EHBP1: variants seen among roughly 807,000 people sequenced by gnomAD.
EHBP1 encodes the protein EH domain-binding protein 1.
A neutral mutation model predicts 144.0 loss-of-function variants in EHBP1; 55 were observed. That is an observed-to-expected ratio of 0.38 (90% CI 0.31 to 0.48). The LOEUF (loss-of-function observed/expected upper bound fraction) is 0.48, where lower values mean the gene tolerates loss of function less well. Ranked by LOEUF, EHBP1 falls within the 20% of genes least tolerant of loss-of-function variation. The pLI is 0.98. For synonymous variants in EHBP1, 469 were observed against 472.7 expected, an observed-to-expected ratio of 0.99 and a Z score of 0.10; for missense variants, 1,200 against 1,364.2, an observed-to-expected ratio of 0.88 and a Z score of 1.90.
intron 2 of EHBP1, among the ~76,000 whole-genome samples, chr2:62,712,404 AG>A (rs1284165964): frequency 1.1e-4 from 17 of 152,222 alleles, no homozygotes; most frequent in African/African-American, 4.1e-4. Flanking sequence ...TGAATTGACT[AG>A]GGAAATGTAG....
intron 7 of EHBP1, among the ~76,000 whole-genome samples, chr2:62,837,777 A>C (rs1317253908): frequency 2.0e-5 from 3 of 152,174 alleles, no homozygotes; most frequent in Non-Finnish European, 2.9e-5. Flanking sequence ...ATCAATTCAA[A>C]AAGAAGAGCT....
intron 19 of EHBP1, among the ~76,000 whole-genome samples, chr2:62,999,048 C>T (rs1190524216): frequency 6.6e-6 from 1 of 152,064 alleles, no homozygotes; most frequent in East Asian, 1.9e-4. Context: ...TTAGACATTT[C>T]AGTGTACTTT....
rs578060126 is a variant in EHBP1 at position 62,777,081 on chromosome 2, C to T, written c.312+5689C>T. Among the ~76,000 whole-genome samples the T allele has an allele frequency of 9.2e-5, 14 of 152,232 alleles. No homozygotes were observed. The South Asian group carries it at 1.0e-3, about 11-fold the overall frequency. Reference sequence around the variant, plus strand: ...CCTTGAACTCCTGGGCTCAAGCGATCGTCCTGCCTCAGCCTCCCCAGTAGC... The same window carrying T: ...CCTTGAACTCCTGGGCTCAAGCGATTGTCCTGCCTCAGCCTCCCCAGTAGC... On this transcript the variant is annotated intron_variant, in intron 5 of 22. Coordinates refer to ENST00000431489, the MANE Select transcript of EHBP1 (RefSeq NM_001142616.3).
intron 5 of EHBP1, among the ~76,000 whole-genome samples, chr2:62,818,088 T>TA (rs2045579692): frequency 6.6e-6 from 1 of 151,682 alleles, no homozygotes; most frequent in South Asian, 2.1e-4. Flanking sequence ...GGTGTACCAT[T>TA]AAAAAAACTT....
At chr2:62,969,296 T>TTTA (rs1305888095) in intron 14 of EHBP1, among the ~76,000 whole-genome samples, 9 of 152,138 alleles carry the variant, frequency 5.9e-5, no homozygotes, top group Non-Finnish European at 1.0e-4. Context: ...CCCAGAATGC[T>TTTA]TAAAGGAAAG....
At chr2:62,919,509 A>G (rs1370897927) in intron 10 of EHBP1, among the ~76,000 whole-genome samples, 1 of 152,174 alleles carries the variant, frequency 6.6e-6, no homozygotes, top group African/African-American at 2.4e-5. Flanking sequence ...TTAAGCACAA[A>G]CAAATAACAG....
At position 62,948,542 on chromosome 2, in the gene EHBP1, A is replaced by G. The variant is rs370849961; in HGVS notation, c.1696A>G (p.Ile566Val). 15 of 1,614,136 alleles carry G rather than the reference A, an allele frequency of 9.3e-6. No homozygotes were observed. In the South Asian group the frequency reaches 1.1e-4, roughly 12 times the overall value. Residue 566 changes from isoleucine to valine, a missense_variant, in exon 13 of 23, where the codon ATC becomes GTC. Ile to Val is a conservative substitution (Grantham distance 29). Transcript: ENST00000431489. ...LKREPELQQPISGAVDFLSQD... is the reference protein window; with the variant it reads ...LKREPELQQPVSGAVDFLSQD... The stretch of plus-strand genomic sequence containing the variant: ...GCGGGAGCCTGAACTACAACAGCCT[A>G]TCAGCGGAGCAGTAGACTTCTTATC...
rs1377834108 is a variant in EHBP1, at chr2:62,990,789, C to T, written c.2682C>T (p.Pro894=). ...LEVQPQVANS[P]SSAAQKAVTE... ...TTCAGCCACAGGTGGCAAATTCACC[C>T]TCCAGTGCTGCCCAGAAAGCTGTAA... is the stretch of plus-strand genomic sequence containing the variant. The change falls in exon 16 of 23, where the codon CCC becomes CCT. Residue 894 remains proline (P), a synonymous_variant. Transcript: ENST00000431489. 1.9e-6 allele frequency: 3 copies of T among 1,613,874 alleles called. No homozygotes were observed. In the Admixed American group the frequency reaches 5.0e-5, roughly 27 times the overall value.
intron 6 of EHBP1, 144 bp downstream of exon 6, chr2:62,826,412 A>T (rs2046349454): frequency 6.0e-6 from 4 of 662,144 alleles, no homozygotes; most frequent in Non-Finnish European, 9.5e-6. Context: ...GAATTAAGGG[A>T]ACTCCTTGTT....
At chr2:62,800,768 A>C (rs2043921780) in intron 5 of EHBP1, among the ~76,000 whole-genome samples, 1 of 152,234 alleles carries the variant, frequency 6.6e-6, no homozygotes, top group South Asian at 2.1e-4. Context: ...GTATGAAGAC[A>C]CAAAACAATG....
At chr2:62,871,473 C>G (rs915075439) in intron 9 of EHBP1, among the ~76,000 whole-genome samples, 1 of 152,170 alleles carries the variant, frequency 6.6e-6, no homozygotes, top group Non-Finnish European at 1.5e-5. Context: ...CACACAAGTT[C>G]TAAAGATTGC....
chr2:62,775,866 C>G (rs1376862653), intron 5 of EHBP1, among the ~76,000 whole-genome samples: 1 of 152,154 alleles, frequency 6.6e-6, no homozygotes, highest in East Asian at 1.9e-4. Context: ...TTGTCTTTCT[C>G]CAGGGCCTTT....
At chr2:63,012,173 T>A (rs1262885894) in intron 19 of EHBP1, among the ~76,000 whole-genome samples, 1 of 151,976 alleles carries the variant, frequency 6.6e-6, no homozygotes, top group East Asian at 1.9e-4. Context: ...TAATATAATA[T>A]GAACAGTTAA....
intron 5 of EHBP1, among the ~76,000 whole-genome samples, chr2:62,791,200 T>A (rs1359496822): frequency 1.3e-5 from 2 of 152,074 alleles, no homozygotes; most frequent in Admixed American, 1.3e-4. Context: ...AAGTAGTACA[T>A]GTATGTGATA....
chr2:63,010,326 C>G (rs564433084), intron 19 of EHBP1, among the ~76,000 whole-genome samples: 1 of 151,328 alleles, frequency 6.6e-6, no homozygotes, highest in Non-Finnish European at 1.5e-5. Context: ...AGCCTCATTC[C>G]CTTCTCTTAA....
intron 9 of EHBP1, among the ~76,000 whole-genome samples, chr2:62,867,338 A>G (rs1391987919): frequency 6.6e-6 from 1 of 152,170 alleles, no homozygotes; most frequent in East Asian, 1.9e-4. Flanking sequence ...GAAAAGCATA[A>G]GGAATCTTTA....
intron 4 of EHBP1, among the ~76,000 whole-genome samples, chr2:62,769,107 G>A (rs1336774255): frequency 1.3e-5 from 2 of 152,180 alleles, no homozygotes; most frequent in Non-Finnish European, 2.9e-5. Context: ...ACAAGACAAG[G>A]ATGCCCTTTC....
intron 10 of EHBP1, among the ~76,000 whole-genome samples, chr2:62,936,807 C>T (rs1465085302): frequency 2.6e-5 from 4 of 151,730 alleles, no homozygotes; most frequent in Non-Finnish European, 5.9e-5. Flanking sequence ...ATAATAAGAC[C>T]AATATAAATG....
At chr2:62,675,301 T>C (rs1480929076) in intron 1 of EHBP1, among the ~76,000 whole-genome samples, 2 of 152,194 alleles carry the variant, frequency 1.3e-5, no homozygotes, top group African/African-American at 4.8e-5. Context: ...TGAACCCTAG[T>C]GCCAGGGAAG....
Sources: allele counts gnomAD v4.1 joint callset (sites outside exome capture counted in the v4.1 genomes callset), GRCh38; gene constraint gnomAD v4.1.1; transcripts MANE v1.5; gene names NCBI Gene and HGNC (gene_info 2026-07-23, HGNC 2026-07-21).